RBFOX1: variants seen among roughly 807,000 people sequenced by gnomAD.
The protein encoded by RBFOX1 is RNA binding protein fox-1 homolog 1.
RBFOX1 carries 8 observed loss-of-function variants against 57.7 expected under a neutral mutation model. That is an observed-to-expected ratio of 0.14 (90% CI 0.08 to 0.25). The LOEUF (loss-of-function observed/expected upper bound fraction) is 0.25. RBFOX1 is among the 10% of genes least tolerant of loss of function. RBFOX1 has a pLI of 1.00. For synonymous variants in RBFOX1, 326 were observed against 222.4 expected, an observed-to-expected ratio of 1.47 and a Z score of -4.15; for missense variants, 611 against 548.5, an observed-to-expected ratio of 1.11 and a Z score of -1.14.
intron 4 of RBFOX1, among the ~76,000 whole-genome samples, chr16:5,986,033 T>G (rs571349091): frequency 6.6e-6 from 1 of 150,996 alleles, no homozygotes; most frequent in Non-Finnish European, 1.5e-5. Context: ...AAATTCCTCT[T>G]TATTTTCTAT....
At chr16:5,422,791 T>G (rs1439798207) in intron 1 of RBFOX1, among the ~76,000 whole-genome samples, 2,651 of 36,356 alleles carry the variant, frequency 0.073, no homozygotes, top group Non-Finnish European at 0.079. Flanking sequence ...GGAGAGGGAG[T>G]GGGAAGAAAG....
intron 4 of RBFOX1, among the ~76,000 whole-genome samples, chr16:5,899,798 G>C (rs894263560): frequency 1.3e-5 from 2 of 152,192 alleles, no homozygotes; most frequent in Non-Finnish European, 2.9e-5. Context: ...TGATGGCCCG[G>C]CATGGTGGCT....
At chr16:7,696,373 A>G (rs951636361) in intron 14 of RBFOX1, among the ~76,000 whole-genome samples, 2 of 152,090 alleles carry the variant, frequency 1.3e-5, no homozygotes, top group African/African-American at 2.4e-5. Flanking sequence ...TGGATTCTTC[A>G]ATAGATGGTG....
Position 6,671,853 on chromosome 16 carries a change from G to T in RBFOX1, c.-16+17203G>T, listed in dbSNP as rs1025166191. 3.3e-5 allele frequency among the ~76,000 whole-genome samples: 5 copies of T among 152,284 alleles called. No homozygotes were observed. The East Asian group carries it at 9.6e-4, about 29-fold the overall frequency. On this transcript the variant is annotated intron_variant, in intron 3 of 15. Coordinates refer to ENST00000550418, the MANE Select transcript of RBFOX1 (RefSeq NM_018723.4). ...AATCAGCGTATCCCAGTAATTATAA[G>T]AGTTCATGAAATTTTTGTGTGCCAT... is the stretch of plus-strand genomic sequence containing the variant.
chr16:5,299,115 C>T (rs868356206), intron 1 of RBFOX1, among the ~76,000 whole-genome samples: 1 of 151,224 alleles, frequency 6.6e-6, no homozygotes, highest in African/African-American at 2.4e-5. Flanking sequence ...AACCACTGTT[C>T]TAACAATTTC....
chr16:7,325,093 G>A (rs2096594127), intron 4 of RBFOX1, among the ~76,000 whole-genome samples: 1 of 152,176 alleles, frequency 6.6e-6, no homozygotes, highest in African/African-American at 2.4e-5. Flanking sequence ...TTGAAGGGAG[G>A]AAGAGTTTTG....
At position 7,084,302 on chromosome 16, in the gene RBFOX1, T is replaced by TAC; in HGVS notation, c.27+32213_27+32214dup. 2.6e-5 allele frequency among the ~76,000 whole-genome samples: 4 copies of TAC among 152,020 alleles called. No individual in the cohort carries two copies. The East Asian group carries it at 7.7e-4, about 29-fold the overall frequency. ...AATATATATGTATGAAATACATATA[T>TAC]ACACACACACTTATATGTGAGGGAG... On this transcript the variant is annotated intron_variant, in intron 4 of 15. Coordinates refer to ENST00000550418, the MANE Select transcript of RBFOX1 (RefSeq NM_018723.4).
chr16:7,103,836 G>A (rs765544400), intron 4 of RBFOX1, among the ~76,000 whole-genome samples: 1 of 152,096 alleles, frequency 6.6e-6, no homozygotes, highest in Non-Finnish European at 1.5e-5. Context: ...TTAACTCTTA[G>A]TCATGAGAAA....
intron 3 of RBFOX1, among the ~76,000 whole-genome samples, chr16:6,918,546 G>A (rs917402588): frequency 2.0e-5 from 3 of 152,034 alleles, no homozygotes; most frequent in African/African-American, 7.2e-5. Context: ...ATTCCCTCCT[G>A]ATATCCAGAG....
chr16:5,558,459 C>T lies in RBFOX1; in HGVS notation c.259-40443C>T, dbSNP rs145123368. 2.9e-3 allele frequency among the ~76,000 whole-genome samples: 440 copies of T among 152,262 alleles called. 1 individual carries two copies. The highest frequency in any genetic ancestry group is 5.1e-3 in the Non-Finnish European group (347 of 68,026). ...AGGAGCGAGCCACAGCCCTGTCACA[C>T]ATCCTGCCAGGGGGATATGGGAACT... is the stretch of plus-strand genomic sequence containing the variant. On this transcript the variant is annotated intron_variant, in intron 2 of 2. Transcript: ENST00000585867.
chr16:6,351,429 A>G (rs2086374565), intron 2 of RBFOX1, among the ~76,000 whole-genome samples: 1 of 136,280 alleles, frequency 7.3e-6, no homozygotes, highest in African/African-American at 2.8e-5. Context: ...GCTGGAGTGC[A>G]GTGGCATGAT....
chr16:6,656,705 A>AT (rs980637380), intron 3 of RBFOX1, among the ~76,000 whole-genome samples: 10 of 151,638 alleles, frequency 6.6e-5, no homozygotes, highest in Admixed American at 2.6e-4. Flanking sequence ...GAGTTTTCCC[A>AT]TTTTTTTCTA....
intron 4 of RBFOX1, among the ~76,000 whole-genome samples, chr16:7,346,575 T>C (rs1178722375): frequency 6.6e-6 from 1 of 151,698 alleles, no homozygotes; most frequent in Non-Finnish European, 1.5e-5. Flanking sequence ...GCCATCCTGG[T>C]TTACTCTATA....
At chr16:5,328,271 G>A (rs2064642722) in intron 1 of RBFOX1, among the ~76,000 whole-genome samples, 1 of 152,250 alleles carries the variant, frequency 6.6e-6, no homozygotes, top group South Asian at 2.1e-4. Flanking sequence ...TCTGATCAGC[G>A]TTTTTATAAG....
At chr16:7,233,812 A>G (rs1158184368) in intron 4 of RBFOX1, among the ~76,000 whole-genome samples, 2 of 152,178 alleles carry the variant, frequency 1.3e-5, no homozygotes, top group African/African-American at 4.8e-5. Context: ...TATTGTGCCT[A>G]ATGGAGTCTT....
At chr16:6,697,028 A>G (rs924732066) in intron 3 of RBFOX1, among the ~76,000 whole-genome samples, 4 of 152,204 alleles carry the variant, frequency 2.6e-5, no homozygotes, top group Non-Finnish European at 5.9e-5. Context: ...AAAAGCTTAG[A>G]CATTTCAAAC....
chr16:6,005,947 G>A (rs779550673), intron 4 of RBFOX1, among the ~76,000 whole-genome samples: 12 of 152,324 alleles, frequency 7.9e-5, no homozygotes, highest in South Asian at 2.1e-4. Flanking sequence ...ATTCTTTGTG[G>A]GTGAAATCAG....
In RBFOX1 at chr16:7,518,029, C is replaced by T. The variant is rs1309882269; in HGVS notation, c.28-118C>T. ...ATTGGTCCATCTCAGGCTGGTGGCA[C>T]CATGGTGACCCCTAGAAAGTACGCG... On this transcript the variant is annotated intron_variant, in intron 4 of 15. Transcript: ENST00000550418. 3.9e-6 allele frequency: 5 copies of T among 1,291,194 alleles called. No individual in the cohort carries two copies. The African/African-American group carries it at 4.5e-5, about 12-fold the overall frequency. The allele number at this position is 1,291,194 out of a possible 1,614,324, so 80.0% of individuals were successfully genotyped here. A position where few individuals can be genotyped will look rare whatever the true frequency, so the allele number is the denominator to read the frequency against.
intron 3 of RBFOX1, among the ~76,000 whole-genome samples, chr16:5,629,892 A>G (rs2048451619): frequency 6.6e-6 from 1 of 152,140 alleles, no homozygotes; most frequent in African/African-American, 2.4e-5. Context: ...GAAAGTACCC[A>G]TCTTAGGGTG....
Sources: allele counts gnomAD v4.1 joint callset (sites outside exome capture counted in the v4.1 genomes callset), GRCh38; gene constraint gnomAD v4.1.1; transcripts MANE v1.5; gene names NCBI Gene and HGNC (gene_info 2026-07-23, HGNC 2026-07-21).